The following KDM4B variants were observed in gnomAD, a reference collection of about 807,000 sequenced individuals.
The protein encoded by KDM4B is lysine demethylase 4B.
KDM4B carries 32 observed loss-of-function variants against 125.2 expected under a neutral mutation model. The ratio of observed to expected loss-of-function variants is 0.26; its 90% CI spans 0.19 to 0.34. The LOEUF is 0.34. Ranked by LOEUF, KDM4B falls within the 10% of genes least tolerant of loss-of-function variation. The pLI is 1.00. For synonymous variants in KDM4B, 721 were observed against 677.9 expected (o/e 1.06, Z -0.99); for missense variants, 1,190 against 1,577.7 (o/e 0.75, Z 4.16).
At chr19:5,013,636 C>A (rs1043782346) in intron 1 of KDM4B, among the ~76,000 whole-genome samples, 1 of 152,314 alleles carries the variant, frequency 6.6e-6, no homozygotes, top group Admixed American at 6.5e-5. Context: ...ACAGCCACAG[C>A]GCAGCGTTTT....
rs200591721 is a variant in KDM4B, at chr19:5,131,642, AG to A, written c.1785+102del. ...GGCACAGGGGAGCTGGTGGCGGGGG[AG>A]GGGGCAGGGAGGAGGGGACAGGAGG... On this transcript the variant is annotated intron_variant, in intron 12 of 22. Transcript: ENST00000159111. 123 of 107,034 alleles carry A rather than the reference AG, an allele frequency of 1.1e-3. 1 individual carries two copies. The highest frequency in any genetic ancestry group is 1.8e-3 in the South Asian group (17 of 9,372). 6.6% of individuals were successfully genotyped at this position (107,034 alleles called of 1,614,324 possible).
intron 7 of KDM4B, chr19:5,074,492 C>G (rs1469668233): frequency 6.6e-6 from 1 of 152,242 alleles, no homozygotes; most frequent in Admixed American, 6.5e-5. Flanking sequence ...AATGTGCTGG[C>G]GCCTTATTGG....
At chr19:5,064,488 C>T (rs1037216715) in intron 6 of KDM4B, among the ~76,000 whole-genome samples, 14 of 152,128 alleles carry the variant, frequency 9.2e-5, no homozygotes, top group African/African-American at 2.2e-4. Context: ...GGGAGGAGAG[C>T]GTTTTCATCC....
chr19:4,996,577 T>C (rs1037940156), intron 1 of KDM4B, among the ~76,000 whole-genome samples: 3 of 151,764 alleles, frequency 2.0e-5, no homozygotes, highest in Non-Finnish European at 2.9e-5. Flanking sequence ...GGTCTCGCCA[T>C]GTTGTCCAGG....
intron 1 of KDM4B, among the ~76,000 whole-genome samples, chr19:4,976,791 T>A (rs894147843): frequency 3.9e-5 from 6 of 152,232 alleles, no homozygotes; most frequent in African/African-American, 1.4e-4. Flanking sequence ...AGTGGGGGAC[T>A]GTGCCCGGCC....
intron 1 of KDM4B, among the ~76,000 whole-genome samples, chr19:5,006,879 T>G (rs2035578339): frequency 6.6e-6 from 1 of 151,904 alleles, no homozygotes; most frequent in Non-Finnish European, 1.5e-5. Context: ...TTCCGCTCTG[T>G]GAAGTGGGAG....
chr19:5,045,040 T>G (rs547096030), intron 5 of KDM4B, among the ~76,000 whole-genome samples: 32 of 152,224 alleles, frequency 2.1e-4, no homozygotes, highest in Non-Finnish European at 3.5e-4. Context: ...GGCAGAAGTT[T>G]TCATCTCCTT....
chr19:5,146,204 A>T lies in KDM4B; in HGVS notation c.3021+1302A>T, dbSNP rs1228882526. On this transcript the variant is annotated intron_variant, in intron 21 of 22. Transcript: ENST00000159111. ...CCATGCAGGCCGGCCCCGCCCGGTC[A>T]CTGCTCTCGGACCTGTCACTGAGCA... Among the ~76,000 whole-genome samples the T allele has an allele frequency of 7.7e-5, 11 of 142,170 alleles. 1 individual carries two copies. The allele number at this position is 142,170 out of a possible 152,430, so 93.3% of individuals were successfully genotyped here.
rs747198124 is a variant in KDM4B at position 5,119,863 on chromosome 19, G to T, written c.1315+11G>T. 2.0e-5 allele frequency: 31 copies of T among 1,544,538 alleles called. No individual in the cohort carries two copies. The highest frequency in any genetic ancestry group is 2.2e-4 in the Middle Eastern group (1 of 4,480). On this transcript the variant is annotated intron_variant, in intron 11 of 22. Coordinates refer to ENST00000159111, the MANE Select transcript of KDM4B (RefSeq NM_015015.3). Reference sequence around the variant, plus strand: ...CCGAGGGCGCAGAAGGTCAGTCCCTGCCGGGCCAGGCCTGGCACCGCTGTT... The same window carrying T: ...CCGAGGGCGCAGAAGGTCAGTCCCTTCCGGGCCAGGCCTGGCACCGCTGTT...
rs930102396 is a variant in KDM4B, at chr19:5,023,424, C to T, written c.-26+7085C>T. Among the ~76,000 whole-genome samples, 26 of 152,214 alleles carry T rather than the reference C, an allele frequency of 1.7e-4. 1 individual carries two copies. The highest frequency in any genetic ancestry group is 4.1e-4 in the African/African-American group (17 of 41,450). On this transcript the variant is annotated intron_variant, in intron 2 of 22. Transcript: ENST00000159111. ...CGGGGCTGGGGCCGAGTGGCGTTCT[C>T]GTGCTGCCTCTGTGGCCAGGTTTCA...
chr19:4,988,951 G>A (rs924888702), intron 1 of KDM4B, among the ~76,000 whole-genome samples: 1 of 152,202 alleles, frequency 6.6e-6, no homozygotes, highest in Non-Finnish European at 1.5e-5. Context: ...CTCAGCTCCC[G>A]AGGGGCTGCC....
At chr19:4,984,680 C>G (rs76352025) in intron 1 of KDM4B, among the ~76,000 whole-genome samples, 1 of 152,166 alleles carries the variant, frequency 6.6e-6, no homozygotes, top group South Asian at 2.1e-4. Flanking sequence ...CTGGGGCCCT[C>G]GGGAGGGCTT....
rs1221386645 is a variant in KDM4B, at chr19:5,110,842, G to T, written c.1115+24G>T. The T allele has an allele frequency of 2.0e-6, 3 of 1,529,176 alleles. No individual in the cohort carries two copies. In the African/African-American group the frequency reaches 4.1e-5, roughly 21 times the overall value. 94.7% of individuals were successfully genotyped at this position (1,529,176 alleles called of 1,614,324 possible). A position where few individuals can be genotyped will look rare whatever the true frequency, so the allele number is the denominator to read the frequency against. On this transcript the variant is annotated intron_variant, in intron 10 of 22. Transcript: ENST00000159111. ...AGGTGAGTTGCCAAGGGACTGCCGC[G>T]TGACTGCCCAGCATCACGGGGGGTG...
At chr19:5,008,782 T>C (rs915740274) in intron 1 of KDM4B, among the ~76,000 whole-genome samples, 2 of 151,380 alleles carry the variant, frequency 1.3e-5, no homozygotes, top group African/African-American at 4.9e-5. Context: ...TTAATATTTT[T>C]AGTAGAGACA....
chr19:5,061,482 G>C (rs2037595569), intron 6 of KDM4B, among the ~76,000 whole-genome samples: 1 of 152,218 alleles, frequency 6.6e-6, no homozygotes, highest in Non-Finnish European at 1.5e-5. Context: ...GCAAGTATTA[G>C]TATCTGCCAC....
chr19:5,143,310 C>A (rs1357907516), intron 18 of KDM4B, among the ~76,000 whole-genome samples: 3 of 126,528 alleles, frequency 2.4e-5, no homozygotes, highest in African/African-American at 9.4e-5. Context: ...TGACAGAGCA[C>A]CCAGGCTCAA....
chr19:5,131,569 GGAGGAGGGGGGCAGGTGGGGTGGGGCA>G, intron 12 of KDM4B, 24 bp downstream of exon 12: 2 of 898,428 alleles, frequency 2.2e-6, no homozygotes, highest in Non-Finnish European at 1.6e-6. Context: ...GGGGAGGCAG[GGAGGAGGGGGGCAGGTGGGGTGGGGCA>G]GGGGAGGAGG....
intron 9 of KDM4B, among the ~76,000 whole-genome samples, chr19:5,093,813 G>A (rs1356693995): frequency 3.3e-5 from 5 of 152,208 alleles, no homozygotes; most frequent in Admixed American, 1.3e-4. Flanking sequence ...TGAGGCCATC[G>A]AGGTCCAGGG....
intron 3 of KDM4B, among the ~76,000 whole-genome samples, chr19:5,036,094 C>T (rs141951300): frequency 0.012 from 1,841 of 152,228 alleles, 40 homozygotes; most frequent in African/African-American, 0.042. Flanking sequence ...GCCCTTGGCT[C>T]GGGGCAGCCA....
Sources: gnomAD v4.1 joint callset for allele counts (sites outside exome capture counted in the v4.1 genomes callset) on GRCh38, gnomAD v4.1.1 for gene constraint, MANE v1.5 for transcripts, NCBI Gene and HGNC (gene_info 2026-07-23, HGNC 2026-07-21) for gene names.